The following KCNH5 variants were observed in gnomAD, a reference collection of about 807,000 sequenced individuals.
The protein encoded by KCNH5 is potassium voltage-gated channel subfamily H member 5.
KCNH5 carries 46 observed loss-of-function variants against 96.1 expected under a neutral mutation model. The observed-to-expected ratio is 0.48, with a 90% CI of 0.38 to 0.61. KCNH5 has a LOEUF of 0.61. Among genes scored for constraint, KCNH5 ranks in the 20% least tolerant of loss-of-function variants. The pLI, the probability that KCNH5 is intolerant of heterozygous loss-of-function variation, is 0.00. For missense variants in KCNH5, 907 were observed against 1,225.8 expected (o/e 0.74, Z 3.88); for synonymous variants, 439 against 449.8 (o/e 0.98, Z 0.30).
intron 7 of KCNH5, among the ~76,000 whole-genome samples, chr14:62,870,995 G>C (rs1238193419): frequency 6.6e-6 from 1 of 152,088 alleles, no homozygotes; most frequent in Non-Finnish European, 1.5e-5. Flanking sequence ...GTTCCCATTA[G>C]CCATAAGATC....
chr14:62,856,063 T>C lies in KCNH5; in HGVS notation c.1370-6211A>G, dbSNP rs573663475. Among the ~76,000 whole-genome samples, 7 of 152,340 alleles carry C rather than the reference T, an allele frequency of 4.6e-5. No homozygotes were observed. In the East Asian group the frequency reaches 7.7e-4, roughly 17 times the overall value. On this transcript the variant is annotated intron_variant, in intron 7 of 10. Coordinates refer to ENST00000322893, the MANE Select transcript of KCNH5 (RefSeq NM_139318.5). ...TCTTTTTATAGTTTATAAAAATTCA[T>C]ATAGCCAATCTAAGCATATAAACAA...
chr14:62,888,493 C>G (rs1322326187), intron 7 of KCNH5, among the ~76,000 whole-genome samples: 1 of 152,130 alleles, frequency 6.6e-6, no homozygotes, highest in East Asian at 1.9e-4. Context: ...GGGCAGGCAT[C>G]TGAAACAGAT....
At chr14:62,860,935 G>A (rs930281600) in intron 7 of KCNH5, among the ~76,000 whole-genome samples, 24 of 152,342 alleles carry the variant, frequency 1.6e-4, no homozygotes, top group African/African-American at 5.3e-4. Context: ...AGAAGCAGAG[G>A]AAGAAAGAAA....
chr14:62,787,989 G>A (rs911132253), intron 9 of KCNH5, among the ~76,000 whole-genome samples: 1 of 152,162 alleles, frequency 6.6e-6, no homozygotes, highest in Non-Finnish European at 1.5e-5. Context: ...TGCAGCCCAT[G>A]GATCAAGGAG....
chr14:62,844,252 T>C (rs1192473375), intron 8 of KCNH5, among the ~76,000 whole-genome samples: 2 of 152,226 alleles, frequency 1.3e-5, no homozygotes, highest in East Asian at 3.9e-4. Context: ...AAGTAAGATA[T>C]TGGAAAATAC....
intron 6 of KCNH5, among the ~76,000 whole-genome samples, chr14:62,951,170 C>G (rs1046663208): frequency 6.6e-6 from 1 of 152,092 alleles, no homozygotes; most frequent in African/African-American, 2.4e-5. Context: ...AGAGCTGAAC[C>G]TGAAATGGGT....
chr14:63,023,081 T>C (rs1891459429), intron 1 of KCNH5, among the ~76,000 whole-genome samples: 2 of 151,798 alleles, frequency 1.3e-5, no homozygotes, highest in African/African-American at 4.8e-5. Flanking sequence ...TGCACACCTG[T>C]AGTCCCAGCT....
At chr14:62,929,021 GA>G (rs1889529594) in intron 7 of KCNH5, among the ~76,000 whole-genome samples, 1 of 151,958 alleles carries the variant, frequency 6.6e-6, no homozygotes, top group Non-Finnish European at 1.5e-5. Flanking sequence ...GACTGCCTAC[GA>G]GACATATGTA....
In KCNH5 at chr14:62,874,521, G is replaced by A. The variant is rs371026993; in HGVS notation, c.1370-24669C>T. Among the ~76,000 whole-genome samples the A allele has an allele frequency of 4.3e-4, 66 of 152,230 alleles. 3 individuals carry two copies. In the South Asian group the frequency reaches 8.5e-3, roughly 20 times the overall value. On this transcript the variant is annotated intron_variant, in intron 7 of 10. Coordinates refer to ENST00000322893, the MANE Select transcript of KCNH5 (RefSeq NM_139318.5). The stretch of plus-strand genomic sequence containing the variant: ...ATCAAGTGGGCTTCATCCCTGGGAT[G>A]CAAGGCTGGTTCAATATACGCAAAT...
intron 9 of KCNH5, among the ~76,000 whole-genome samples, chr14:62,785,260 A>G (rs995686775): frequency 7.9e-5 from 12 of 152,232 alleles, no homozygotes; most frequent in Admixed American, 7.9e-4. Context: ...TCTTTCTTCA[A>G]GCATATTATG....
intron 1 of KCNH5, 104 bp downstream of exon 1, chr14:63,045,010 C>T: frequency 1.1e-6 from 1 of 938,820 alleles, no homozygotes; most frequent in Non-Finnish European, 1.7e-6. Flanking sequence ...GGTAAGGCTG[C>T]CTGCATCCTC....
At chr14:63,035,195 C>T (rs1891700555) in intron 1 of KCNH5, among the ~76,000 whole-genome samples, 1 of 152,024 alleles carries the variant, frequency 6.6e-6, no homozygotes, top group Admixed American at 6.6e-5. Context: ...ATTTTAAATC[C>T]TACAAATAAA....
intron 2 of KCNH5, among the ~76,000 whole-genome samples, chr14:63,010,526 T>C (rs1258147294): frequency 1.3e-5 from 2 of 152,200 alleles, no homozygotes; most frequent in Non-Finnish European, 1.5e-5. Flanking sequence ...AAGCAAACGC[T>C]CACTCAGAAC....
intron 10 of KCNH5, among the ~76,000 whole-genome samples, chr14:62,722,497 A>G (rs1394309508): frequency 1.3e-5 from 2 of 152,178 alleles, no homozygotes. Flanking sequence ...GGACTTAAGG[A>G]CTAGGCTACT....
intron 7 of KCNH5, among the ~76,000 whole-genome samples, chr14:62,919,264 C>G (rs978351985): frequency 6.6e-6 from 1 of 151,752 alleles, no homozygotes; most frequent in African/African-American, 2.4e-5. Flanking sequence ...TTTTTCTTCA[C>G]GAGTATGTAT....
At chr14:62,859,161 T>G (rs1887985701) in intron 7 of KCNH5, among the ~76,000 whole-genome samples, 1 of 152,104 alleles carries the variant, frequency 6.6e-6, no homozygotes, top group South Asian at 2.1e-4. Flanking sequence ...GCCCTTTCCA[T>G]GATGGAAGAG....
chr14:62,768,686 T>C (rs1885919140), intron 10 of KCNH5, among the ~76,000 whole-genome samples: 1 of 152,242 alleles, frequency 6.6e-6, no homozygotes, highest in Non-Finnish European at 1.5e-5. Context: ...TATTTTCTTC[T>C]TGTTTACTAT....
chr14:62,977,146 G>T (rs146466345), intron 6 of KCNH5, among the ~76,000 whole-genome samples: 3 of 152,152 alleles, frequency 2.0e-5, no homozygotes, highest in East Asian at 3.9e-4. Flanking sequence ...TGAGATGGGC[G>T]GATCACTTGA....
At position 62,974,300 on chromosome 14, in the gene KCNH5, G is replaced by A. The variant is rs184528135; in HGVS notation, c.942+6572C>T. Among the ~76,000 whole-genome samples, 18 of 151,870 alleles carry A rather than the reference G, an allele frequency of 1.2e-4. No individual in the cohort carries two copies. In the East Asian group the frequency reaches 1.9e-3, roughly 16 times the overall value. ...GAATCCTCCTATGCTACCAAACAGCGTGTTATCTGCAGCTGCTCCATCTTT... is the reference window on the plus strand; with the variant it reads ...GAATCCTCCTATGCTACCAAACAGCATGTTATCTGCAGCTGCTCCATCTTT... On this transcript the variant is annotated intron_variant, in intron 6 of 10. Coordinates refer to ENST00000322893, the MANE Select transcript of KCNH5 (RefSeq NM_139318.5).
Sources: gnomAD v4.1 joint callset for allele counts (sites outside exome capture counted in the v4.1 genomes callset) on GRCh38, gnomAD v4.1.1 for gene constraint, MANE v1.5 for transcripts, NCBI Gene and HGNC (gene_info 2026-07-23, HGNC 2026-07-21) for gene names.